EHHADH: variants seen among roughly 807,000 people sequenced by gnomAD.
The protein encoded by EHHADH is enoyl-CoA hydratase and 3-hydroxyacyl CoA dehydrogenase, also known as peroxisomal bifunctional enzyme.
In EHHADH, 48 loss-of-function variants were observed where a neutral mutation model predicts 64.4. That is an observed-to-expected ratio of 0.75 (90% CI 0.59 to 0.95). The LOEUF is 0.95. EHHADH is among the 40% of genes least tolerant of loss of function. EHHADH has a pLI of 0.00. For missense variants in EHHADH, 854 were observed against 876.6 expected (o/e 0.97, Z 0.33); for synonymous variants, 308 against 326.7 (o/e 0.94, Z 0.62).
chr3:185,212,281 G>A (rs1259215673), intron 5 of EHHADH, among the ~76,000 whole-genome samples: 4 of 152,226 alleles, frequency 2.6e-5, no homozygotes, highest in Non-Finnish European at 5.9e-5. Flanking sequence ...TAAATCCATT[G>A]CACTGCAGTA....
In EHHADH at chr3:185,253,958, T is replaced by C. The variant is rs772540697; in HGVS notation, c.65A>G (p.Asn22Ser). 4 of 1,613,982 alleles carry C rather than the reference T, an allele frequency of 2.5e-6. No homozygotes were observed. The highest frequency in any genetic ancestry group is 4.5e-5 in the East Asian group (2 of 44,846). Residue 22 changes from asparagine (N) to serine (S), a missense_variant, in exon 1 of 7, where the codon AAC becomes AGC. By Grantham distance (46) the Asn-to-Ser change is conservative. Coordinates refer to ENST00000231887, the MANE Select transcript of EHHADH (RefSeq NM_001966.4). Reference sequence around the variant, plus strand: ...CGACCGAGCCCGTTACCTGATCGCGTTGACCGGCGGGTTTCGGAGGCGGAT... The same window carrying C: ...CGACCGAGCCCGTTACCTGATCGCGCTGACCGGCGGGTTTCGGAGGCGGAT... Reference protein sequence around the residue: ...ALIRLRNPPVNAISTTLLRDI... With the variant: ...ALIRLRNPPVSAISTTLLRDI...
At chr3:185,239,175 T>C (rs556976034) in intron 2 of EHHADH, among the ~76,000 whole-genome samples, 2 of 152,316 alleles carry the variant, frequency 1.3e-5, no homozygotes, top group South Asian at 4.1e-4. Context: ...CATGCTGGTT[T>C]GGTTACCATA....
At chr3:185,204,868 T>C in intron 5 of EHHADH, 111 bp from the exon 6 acceptor site, 1 of 850,890 alleles carries the variant, frequency 1.2e-6, no homozygotes, top group African/African-American at 1.7e-5. Context: ...AACTAAAAGC[T>C]ATTCATTAAG....
At chr3:185,221,060 C>A (rs1718819955) in intron 4 of EHHADH, among the ~76,000 whole-genome samples, 1 of 152,174 alleles carries the variant, frequency 6.6e-6, no homozygotes, top group Admixed American at 6.5e-5. Context: ...TTTCTTTAAG[C>A]AGTGCTTTGG....
At chr3:185,246,539 C>A (rs1486225814) in intron 2 of EHHADH, 1 of 255,978 alleles carries the variant, frequency 3.9e-6, no homozygotes, top group Non-Finnish European at 7.3e-6. Flanking sequence ...TCTCCCACCA[C>A]CGCACTAGGC....
chr3:185,228,667 A>C (rs1719068047), intron 4 of EHHADH, among the ~76,000 whole-genome samples: 1 of 151,954 alleles, frequency 6.6e-6, no homozygotes, highest in African/African-American at 2.4e-5. Flanking sequence ...TACAAGAGCG[A>C]AACTCCGTCT....
At chr3:185,222,209 C>A (rs536778787) in intron 4 of EHHADH, among the ~76,000 whole-genome samples, 2 of 151,818 alleles carry the variant, frequency 1.3e-5, no homozygotes, top group Non-Finnish European at 2.9e-5. Flanking sequence ...GTGCCCCCCG[C>A]CCCCTGTTTC....
intron 3 of EHHADH, among the ~76,000 whole-genome samples, chr3:185,233,709 G>A (rs1040193451): frequency 1.3e-5 from 2 of 152,158 alleles, no homozygotes; most frequent in East Asian, 1.9e-4. Context: ...GCAGTGGCAC[G>A]ATCTCAGCTT....
At chr3:185,238,419 ATT>A (rs1560020137) in intron 2 of EHHADH, among the ~76,000 whole-genome samples, 3 of 151,858 alleles carry the variant, frequency 2.0e-5, no homozygotes, top group African/African-American at 7.3e-5. Context: ...TTGCCAACAT[ATT>A]GTTGTTTTAC....
chr3:185,226,923 T>C (rs1718994086), intron 4 of EHHADH: 1 of 152,272 alleles, frequency 6.6e-6, no homozygotes, highest in Non-Finnish European at 1.5e-5. Flanking sequence ...TTGTGATTAT[T>C]GTTCTGTTCT....
chr3:185,205,852 T>C (rs945799863), intron 5 of EHHADH, among the ~76,000 whole-genome samples: 1 of 151,964 alleles, frequency 6.6e-6, no homozygotes, highest in Non-Finnish European at 1.5e-5. Flanking sequence ...ACAAAAATAC[T>C]GTTATTGGCA....
chr3:185,197,924 G>A (rs753057475), intron 6 of EHHADH, among the ~76,000 whole-genome samples: 26 of 152,010 alleles, frequency 1.7e-4, no homozygotes, highest in Non-Finnish European at 2.4e-4. Flanking sequence ...AGCCTCCCAA[G>A]TAGCAGGGAT....
chr3:185,242,627 G>A (rs1018383645), intron 2 of EHHADH, among the ~76,000 whole-genome samples: 2 of 152,166 alleles, frequency 1.3e-5, no homozygotes, highest in Admixed American at 6.5e-5. Flanking sequence ...GGCTGCCTCT[G>A]CCGAGTCATG....
At chr3:185,214,524 G>A (rs1187964963) in intron 5 of EHHADH, among the ~76,000 whole-genome samples, 1 of 152,128 alleles carries the variant, frequency 6.6e-6, no homozygotes, top group Admixed American at 6.5e-5. Context: ...TAATGACTTA[G>A]ATATTAGGAA....
rs549105509 is a variant in EHHADH, at chr3:185,198,016, C to T, written c.911-4529G>A. 7.9e-5 allele frequency among the ~76,000 whole-genome samples: 12 copies of T among 152,156 alleles called. No homozygotes were observed. In the East Asian group the frequency reaches 2.1e-3, roughly 27 times the overall value. On this transcript the variant is annotated intron_variant, in intron 6 of 6. Transcript: ENST00000231887. Reference sequence around the variant, plus strand: ...TTCACCATGTTGGTCAGGCTGGTCTCGAATTCCTGACCTCAAGTAATCCAC... The same window carrying T: ...TTCACCATGTTGGTCAGGCTGGTCTTGAATTCCTGACCTCAAGTAATCCAC...
At chr3:185,239,209 A>G (rs1719382577) in intron 2 of EHHADH, among the ~76,000 whole-genome samples, 3 of 152,274 alleles carry the variant, frequency 2.0e-5, no homozygotes, top group South Asian at 4.1e-4. Flanking sequence ...ATATGAAGTC[A>G]GGTAATGTGT....
chr3:185,219,085 A>G (rs771270420), intron 4 of EHHADH, among the ~76,000 whole-genome samples: 1 of 152,196 alleles, frequency 6.6e-6, no homozygotes, highest in Non-Finnish European at 1.5e-5. Context: ...AGACATAAAT[A>G]TAGTTAACTC....
intron 4 of EHHADH, among the ~76,000 whole-genome samples, chr3:185,221,047 A>G (rs1406357127): frequency 2.6e-5 from 4 of 152,196 alleles, no homozygotes; most frequent in Admixed American, 2.6e-4. Context: ...AAAAATAGTG[A>G]TGTTTCTTTA....
rs768718791 is a variant in EHHADH, at chr3:185,235,343, C to T, written c.298G>A (p.Gly100Arg). Reference protein sequence around the residue: ...VVAAIQGMAFGGGLELALGCH... With the variant: ...VVAAIQGMAFRGGLELALGCH... ...CCCAGGGCCAGCTCTAGTCCCCCTCCGAAAGCCATGCCTTGGATTGCTGCC... is the reference window on the plus strand; with the variant it reads ...CCCAGGGCCAGCTCTAGTCCCCCTCTGAAAGCCATGCCTTGGATTGCTGCC... Residue 100 changes from glycine to arginine, a missense_variant, in exon 3 of 7, where the codon GGA (glycine) becomes AGA (arginine). Coordinates refer to ENST00000231887, the MANE Select transcript of EHHADH (RefSeq NM_001966.4). The T allele has an allele frequency of 3.9e-5, 63 of 1,613,856 alleles. No homozygotes were observed. Among genetic ancestry groups the T allele is most frequent in the Middle Eastern group, 1.6e-4 (1 of 6,066 alleles).
Sources: allele counts gnomAD v4.1 joint callset (sites outside exome capture counted in the v4.1 genomes callset), GRCh38; gene constraint gnomAD v4.1.1; transcripts MANE v1.5; gene names NCBI Gene and HGNC (gene_info 2026-07-23, HGNC 2026-07-21).